STAT1: variants seen among roughly 807,000 people sequenced by gnomAD.
STAT1 encodes the protein signal transducer and activator of transcription 1-alpha/beta.
A neutral mutation model predicts 111.7 loss-of-function variants in STAT1; 24 were observed. That is an observed-to-expected ratio of 0.21 (90% CI 0.16 to 0.30). The LOEUF is 0.30. Among genes scored for constraint, STAT1 ranks in the 10% least tolerant of loss-of-function variants. STAT1 has a pLI of 1.00. For synonymous variants in STAT1, 332 were observed against 326.5 expected (o/e 1.02, Z -0.18); for missense variants, 351 against 911.9 (o/e 0.38, Z 7.92).
intron 5 of STAT1, among the ~76,000 whole-genome samples, chr2:191,002,060 A>G (rs1694313408): frequency 6.6e-6 from 1 of 152,058 alleles, no homozygotes; most frequent in Non-Finnish European, 1.5e-5. Context: ...TCATGTCTGG[A>G]ATTTTCCTTA....
Position 191,000,816 on chromosome 2 carries a change from C to T in STAT1, c.462+258G>A, listed in dbSNP as rs947298792. 6.6e-6 allele frequency among the ~76,000 whole-genome samples: 1 copy of T among 152,118 alleles called. No individual in the cohort carries two copies. The highest frequency in any genetic ancestry group is 2.4e-5 in the African/African-American group (1 of 41,436). On this transcript the variant is annotated intron_variant, in intron 6 of 24. Transcript: ENST00000361099. The surrounding 1 kb of genome is among the most constrained non-coding windows in gnomAD (Gnocchi z 4.8). ...TCATTTACTGGGTACTGGGCAAAGT[C>T]AACATTTACTGCATGATCTTTCAGG...
intron 1 of STAT1, 118 bp from the exon 2 acceptor site, chr2:191,013,796 G>A (rs1695324858): frequency 5.0e-6 from 2 of 396,640 alleles, no homozygotes; most frequent in South Asian, 1.4e-4. Flanking sequence ...CCTCTTCACT[G>A]CCAGAGCACG....
Position 191,012,463 on chromosome 2 carries a change from A to C in STAT1, c.-2+1062T>G, listed in dbSNP as rs1046287880. On this transcript the variant is annotated intron_variant, in intron 2 of 24. Coordinates refer to ENST00000361099, the MANE Select transcript of STAT1 (RefSeq NM_007315.4). The surrounding 1 kb of genome is among the most constrained non-coding windows in gnomAD (Gnocchi z 4.0). Reference sequence around the variant, plus strand: ...AATAAGCTCATGTTCACAAATCTGGAGTCAGTCTCATCTACTCACAAAACC... The same window carrying C: ...AATAAGCTCATGTTCACAAATCTGGCGTCAGTCTCATCTACTCACAAAACC... 6.6e-6 allele frequency among the ~76,000 whole-genome samples: 1 copy of C among 151,868 alleles called. No homozygotes were observed. Among genetic ancestry groups the C allele is most frequent in the Non-Finnish European group, 1.5e-5 (1 of 67,972 alleles).
At position 190,995,853 on chromosome 2, in the gene STAT1, G is replaced by T. The variant is rs935919706; in HGVS notation, c.786-634C>A. ...ACTGAGGCCTATGTGAGGAGAGATG[G>T]GTGGAGGCAGGGCTTCTAGGTGATC... On this transcript the variant is annotated intron_variant, in intron 9 of 24. Transcript: ENST00000361099. This position sits in a 1 kb window ranked among gnomAD's most constrained non-coding sequence, Gnocchi z 4.2. Among the ~76,000 whole-genome samples the T allele has an allele frequency of 2.6e-5, 4 of 152,180 alleles. No individual in the cohort carries two copies. The highest frequency in any genetic ancestry group is 5.9e-5 in the Non-Finnish European group (4 of 68,030).
Position 190,974,339 on chromosome 2 carries a change from C to T in STAT1, c.2238+491G>A, listed in dbSNP as rs1691731564. On this transcript the variant is annotated intron_variant, in intron 24 of 24. Transcript: ENST00000361099. This position sits in a 1 kb window ranked among gnomAD's most constrained non-coding sequence, Gnocchi z 4.8. ...AAGCCCTTCACAGCCCCAGGAGCTA[C>T]TTGTACAAATTAGCTCTCAAATATA... Among the ~76,000 whole-genome samples the T allele has an allele frequency of 6.6e-6, 1 of 152,202 alleles. No individual in the cohort carries two copies. The highest frequency in any genetic ancestry group is 6.5e-5 in the Admixed American group (1 of 15,276).
chr2:190,985,581 C>T (rs1417772286), intron 15 of STAT1, 38 bp downstream of exon 15: 1 of 1,613,250 alleles, frequency 6.2e-7, no homozygotes, highest in Non-Finnish European at 8.5e-7. Flanking sequence ...ACAGACCTGC[C>T]TGATTTGGGC....
At position 190,989,839 on chromosome 2, in the gene STAT1, G is replaced by A. The variant is rs1693180531; in HGVS notation, c.1038-165C>T. The stretch of plus-strand genomic sequence containing the variant: ...TGTAGATCTACTTAAATTTTTGTAA[G>A]TGTATTTGTAAGAATAAATTCCTAG... On this transcript the variant is annotated intron_variant, in intron 11 of 24. Coordinates refer to ENST00000361099, the MANE Select transcript of STAT1 (RefSeq NM_007315.4). The surrounding 1 kb of genome is among the most constrained non-coding windows in gnomAD (Gnocchi z 5.0). Among the ~76,000 whole-genome samples, 1 of 152,132 alleles carries A rather than the reference G, an allele frequency of 6.6e-6. No individual in the cohort carries two copies. Among genetic ancestry groups the A allele is most frequent in the Admixed American group, 6.5e-5 (1 of 15,272 alleles).
In STAT1 at chr2:190,997,706, G is replaced by C. The variant is rs936632512; in HGVS notation, c.785+150C>G. Reference sequence around the variant, plus strand: ...GAATAACACTGTGCTTTCCAAGGGAGTGTTTCCAGGGTAAGCAGAAGCTGG... The same window carrying C: ...GAATAACACTGTGCTTTCCAAGGGACTGTTTCCAGGGTAAGCAGAAGCTGG... On this transcript the variant is annotated intron_variant, in intron 9 of 24. Transcript: ENST00000361099. The surrounding 1 kb of genome is among the most constrained non-coding windows in gnomAD (Gnocchi z 7.3). The C allele has an allele frequency of 1.6e-6, 2 of 1,237,002 alleles. No homozygotes were observed. The highest frequency in any genetic ancestry group is 3.9e-5 in the Admixed American group (2 of 50,994). The allele number at this position is 1,237,002 out of a possible 1,614,324, so 76.6% of individuals were successfully genotyped here.
At chr2:191,008,730 C>T (rs1694897120) in intron 4 of STAT1, among the ~76,000 whole-genome samples, 1 of 152,040 alleles carries the variant, frequency 6.6e-6, no homozygotes, top group African/African-American at 2.4e-5. Flanking sequence ...TTACTGATAC[C>T]TAAGAGGTGA....
rs1694775089 is a variant in STAT1 at position 191,007,237 on chromosome 2, C to CAA, written c.372+325_372+326insTT. 6.6e-6 allele frequency among the ~76,000 whole-genome samples: 1 copy of CAA among 152,208 alleles called. No homozygotes were observed. The highest frequency in any genetic ancestry group is 2.4e-5 in the African/African-American group (1 of 41,456). On this transcript the variant is annotated intron_variant, in intron 5 of 24. Transcript: ENST00000361099. The surrounding 1 kb of genome is among the most constrained non-coding windows in gnomAD (Gnocchi z 4.2). ...TGCTTCCATTCCTGTGCCAGCAACT[C>CAA]AGAGGCCTTTCCTGACCCTGATCTA...
rs950268758 is a variant in STAT1 at position 190,998,808 on chromosome 2, A to T, written c.542-500T>A. On this transcript the variant is annotated intron_variant, in intron 7 of 24. Coordinates refer to ENST00000361099, the MANE Select transcript of STAT1 (RefSeq NM_007315.4). This position sits in a 1 kb window ranked among gnomAD's most constrained non-coding sequence, Gnocchi z 4.1. ...AAATAACATTAATAATAATGTTATT[A>T]TTATTATAAAAATAAATGTAAATAA... Among the ~76,000 whole-genome samples the T allele has an allele frequency of 6.6e-6, 1 of 150,478 alleles. No homozygotes were observed. The highest frequency in any genetic ancestry group is 6.6e-5 in the Admixed American group (1 of 15,216).
At chr2:190,985,779 G>T in intron 14 of STAT1, 119 bp from the exon 15 acceptor site, 1 of 1,112,718 alleles carries the variant, frequency 9.0e-7, no homozygotes, top group Non-Finnish European at 1.3e-6. Context: ...TTTATCTTTA[G>T]AATGCAGAAC....
Position 191,010,010 on chromosome 2 carries a change from G to C in STAT1, c.-1-6C>G, listed in dbSNP as rs754102258. ...GTTCGTACCACTGAGACATCCTATA[G>C]GGAAAAAGAATATACATTCTTTCTA... On this transcript the variant is annotated splice_region_variant and splice_polypyrimidine_tract_variant and intron_variant, in intron 2 of 24. Transcript: ENST00000361099. The C allele has an allele frequency of 6.2e-7, 1 of 1,613,690 alleles. No individual in the cohort carries two copies. Among genetic ancestry groups the C allele is most frequent in the Admixed American group, 1.7e-5 (1 of 60,020 alleles).
At chr2:191,010,439 C>A (rs1695035302) in intron 2 of STAT1, 2 of 467,598 alleles carry the variant, frequency 4.3e-6, no homozygotes, top group Admixed American at 4.8e-5. Flanking sequence ...ATTCTGTGCA[C>A]TGGTGTATCC....
In STAT1 at chr2:190,993,347, C is replaced by G. The variant is rs1027006600; in HGVS notation, c.944+1714G>C. On this transcript the variant is annotated intron_variant, in intron 10 of 24. Transcript: ENST00000361099. This position sits in a 1 kb window ranked among gnomAD's most constrained non-coding sequence, Gnocchi z 4.1. ...TCTGTAATAACTGGAGATGACTGTT[C>G]GAAACCTTTCCTGTTCTGCTGTGTT... 16 of 1,012,534 alleles carry G rather than the reference C, an allele frequency of 1.6e-5. No individual in the cohort carries two copies. In the Admixed American group the frequency reaches 2.4e-4, roughly 15 times the overall value. 62.7% of individuals were successfully genotyped at this position (1,012,534 alleles called of 1,614,324 possible). A position where few individuals can be genotyped will look rare whatever the true frequency, so the allele number is the denominator to read the frequency against.
Position 190,974,173 on chromosome 2 carries a change from G to A in STAT1, c.2238+657C>T, listed in dbSNP as rs541312765. 1.3e-5 allele frequency among the ~76,000 whole-genome samples: 2 copies of A among 150,968 alleles called. No individual in the cohort carries two copies. The highest frequency in any genetic ancestry group is 4.9e-5 in the African/African-American group (2 of 40,974). On this transcript the variant is annotated intron_variant, in intron 24 of 24. Coordinates refer to ENST00000361099, the MANE Select transcript of STAT1 (RefSeq NM_007315.4). The surrounding 1 kb of genome is among the most constrained non-coding windows in gnomAD (Gnocchi z 4.8). ...CAATCTTTAAGAGGAAGGATTTTAG[G>A]CTGAAAGGCAAACAATACTAGTTGA...
chr2:191,008,834 A>C, intron 4 of STAT1, 129 bp downstream of exon 4: 1 of 940,152 alleles, frequency 1.1e-6, no homozygotes, highest in Non-Finnish European at 1.6e-6. Context: ...AGAAAACATA[A>C]ATGGAGTTAG....
In STAT1 at chr2:190,989,148, G is replaced by A. The variant is rs1445766212; in HGVS notation, c.1097+467C>T. Among the ~76,000 whole-genome samples the A allele has an allele frequency of 6.6e-6, 1 of 152,164 alleles. No individual in the cohort carries two copies. Among genetic ancestry groups the A allele is most frequent in the Non-Finnish European group, 1.5e-5 (1 of 68,028 alleles). ...AACCCCCAAATGACCACAGAATCATGGCAGCCTGGACGTTCAGCCTCGGGT... is the reference window on the plus strand; with the variant it reads ...AACCCCCAAATGACCACAGAATCATAGCAGCCTGGACGTTCAGCCTCGGGT... On this transcript the variant is annotated intron_variant, in intron 12 of 24. Transcript: ENST00000361099. The surrounding 1 kb of genome is among the most constrained non-coding windows in gnomAD (Gnocchi z 5.0).
rs1691771827 is a variant in STAT1, at chr2:190,974,766, C to T, written c.2238+64G>A. 1.1e-5 allele frequency: 15 copies of T among 1,405,322 alleles called. No homozygotes were observed. Among genetic ancestry groups the T allele is most frequent in the East Asian group, 2.3e-5 (1 of 43,790 alleles). The allele number at this position is 1,405,322 out of a possible 1,614,324, so 87.1% of individuals were successfully genotyped here. A position where few individuals can be genotyped will look rare whatever the true frequency, so the allele number is the denominator to read the frequency against. On this transcript the variant is annotated intron_variant, in intron 24 of 24. Coordinates refer to ENST00000361099, the MANE Select transcript of STAT1 (RefSeq NM_007315.4). The surrounding 1 kb of genome is among the most constrained non-coding windows in gnomAD (Gnocchi z 4.8). ...GACAGGCCCGGGATCTGCCATGGTG[C>T]GCTCCCTGCCTCTGAGCACACACAC... is the stretch of plus-strand genomic sequence containing the variant.
Sources: allele counts gnomAD v4.1 joint callset (sites outside exome capture counted in the v4.1 genomes callset), GRCh38; gene constraint gnomAD v4.1.1; non-coding constraint Gnocchi (gnomAD v3.1); transcripts MANE v1.5; gene names NCBI Gene and HGNC (gene_info 2026-07-23, HGNC 2026-07-21).